CYP7B1: variants seen among roughly 807,000 people sequenced by gnomAD.
CYP7B1 encodes the protein cytochrome P450 family 7 subfamily B member 1, also known as cytochrome P450 7B1.
In CYP7B1, 29 loss-of-function variants were observed where a neutral mutation model predicts 42.7. The observed-to-expected ratio is 0.68, with a 90% confidence interval of 0.51 to 0.93. CYP7B1 has a LOEUF of 0.93. CYP7B1 is among the 40% of genes least tolerant of loss of function. CYP7B1 has a pLI of 0.00. For missense variants in CYP7B1, 655 were observed against 600.5 expected, an observed-to-expected ratio of 1.09 and a Z score of -0.95; for synonymous variants, 235 against 218.2, an observed-to-expected ratio of 1.08 and a Z score of -0.68.
In CYP7B1 at chr8:64,708,257, G is replaced by A. The variant is rs1038624720; in HGVS notation, c.123-83718C>T. Among the ~76,000 whole-genome samples, 2 of 152,110 alleles carry A rather than the reference G, an allele frequency of 1.3e-5. 1 individual carries two copies. The highest frequency in any genetic ancestry group is 2.9e-5 in the Non-Finnish European group (2 of 68,010). ...TAGGATGGTTTCAGTGAAAATCACT[G>A]AAATTTACTGAGTTTGGAAGTTCAA... On this transcript the variant is annotated intron_variant, in intron 1 of 5. Coordinates refer to ENST00000310193, the MANE Select transcript of CYP7B1 (RefSeq NM_004820.5).
chr8:64,694,891 T>A (rs1030119688), intron 1 of CYP7B1, among the ~76,000 whole-genome samples: 1 of 152,160 alleles, frequency 6.6e-6, no homozygotes, highest in African/African-American at 2.4e-5. Flanking sequence ...TAAATACATA[T>A]CTGTAATAAC....
intron 1 of CYP7B1, among the ~76,000 whole-genome samples, chr8:64,686,303 A>C: frequency 2.3e-5 from 1 of 43,194 alleles, no homozygotes; most frequent in East Asian, 4.4e-4. Flanking sequence ...CCACCCGGCC[A>C]GCCGCCCCGT....
chr8:64,726,444 A>G (rs1807325824), intron 1 of CYP7B1, among the ~76,000 whole-genome samples: 1 of 152,214 alleles, frequency 6.6e-6, no homozygotes, highest in African/African-American at 2.4e-5. Context: ...TGAATCTCAC[A>G]GGGAAACTAA....
intron 1 of CYP7B1, among the ~76,000 whole-genome samples, chr8:64,697,773 A>G (rs1296256649): frequency 6.6e-6 from 1 of 152,206 alleles, no homozygotes; most frequent in African/African-American, 2.4e-5. Flanking sequence ...GATGAAAAAT[A>G]CATGAGATCT....
chr8:64,610,370 G>A (rs1805345998), intron 4 of CYP7B1, among the ~76,000 whole-genome samples: 2 of 152,240 alleles, frequency 1.3e-5, no homozygotes, highest in South Asian at 4.1e-4. Context: ...CCAGTTAGAA[G>A]TTCCTAAATA....
intron 4 of CYP7B1, among the ~76,000 whole-genome samples, chr8:64,614,402 T>C (rs1380778745): frequency 6.6e-6 from 1 of 152,140 alleles, no homozygotes; most frequent in Non-Finnish European, 1.5e-5. Context: ...TTCACAGGAA[T>C]AGTTTGTAGT....
rs775784484 is a variant in CYP7B1, at chr8:64,616,063, T to C, written c.478A>G (p.Asn160Asp). The change falls in exon 3 of 6, where the codon AAT becomes GAT. Residue 160 changes from asparagine (N) to aspartate (D), a missense_variant. Transcript: ENST00000310193. ...LDILLESMMQ[N>D]LKQVFEPQLL... is the part of the protein sequence containing the mutation. ...TGGGGTTCAAAAACTTGTTTTAGAT[T>C]CTGCATCATGCTTTCCAAGAGTATG... is the stretch of plus-strand genomic sequence containing the variant. The C allele has an allele frequency of 8.1e-6, 13 of 1,613,666 alleles. No homozygotes were observed. The highest frequency in any genetic ancestry group is 1.1e-5 in the Non-Finnish European group (13 of 1,179,832).
At chr8:64,640,449 T>G (rs1007302341) in intron 1 of CYP7B1, among the ~76,000 whole-genome samples, 4 of 152,184 alleles carry the variant, frequency 2.6e-5, no homozygotes, top group African/African-American at 4.8e-5. Context: ...AGAACTTAAA[T>G]GTTAGGTTTA....
intron 1 of CYP7B1, among the ~76,000 whole-genome samples, chr8:64,678,360 T>C (rs1034685521): frequency 3.9e-5 from 6 of 152,112 alleles, no homozygotes; most frequent in Admixed American, 2.6e-4. Flanking sequence ...GAGAGGCATA[T>C]AGGGTTCTTG....
At chr8:64,648,837 T>G (rs1168396526) in intron 1 of CYP7B1, among the ~76,000 whole-genome samples, 2 of 152,178 alleles carry the variant, frequency 1.3e-5, no homozygotes, top group Admixed American at 6.5e-5. Flanking sequence ...CTCCATAATC[T>G]AAAATCTACG....
intron 1 of CYP7B1, among the ~76,000 whole-genome samples, chr8:64,683,581 A>G (rs1274543419): frequency 1.3e-5 from 2 of 152,204 alleles, no homozygotes; most frequent in Non-Finnish European, 2.9e-5. Context: ...AAATAACTAA[A>G]AAGAGTGTAA....
intron 1 of CYP7B1, among the ~76,000 whole-genome samples, chr8:64,652,300 A>C (rs1162316377): frequency 6.6e-6 from 1 of 152,118 alleles, no homozygotes; most frequent in African/African-American, 2.4e-5. Context: ...TCAGAACCTG[A>C]ACTCAACTTT....
chr8:64,769,226 G>T (rs1474697414), intron 1 of CYP7B1, among the ~76,000 whole-genome samples: 2 of 152,030 alleles, frequency 1.3e-5, no homozygotes, highest in Non-Finnish European at 2.9e-5. Flanking sequence ...TCTATGGAAC[G>T]GGATGGCACC....
Position 64,798,486 on chromosome 8 carries a change from G to T in CYP7B1, c.102C>A (p.Cys34Ter). 6.6e-7 allele frequency: 1 copy of T among 1,513,672 alleles called. No homozygotes were observed. Among genetic ancestry groups the T allele is most frequent in the South Asian group, 1.2e-5 (1 of 81,794 alleles). The allele number at this position is 1,513,672 out of a possible 1,614,324, so 93.8% of individuals were successfully genotyped here. The change falls in exon 1 of 6, where the codon TGC becomes TGA. Residue 34 changes from cysteine (C) to a stop codon, truncating the protein, a stop_gained. Coordinates refer to ENST00000310193, the MANE Select transcript of CYP7B1 (RefSeq NM_004820.5). LOFTEE classifies it high-confidence loss of function. ...LAAALLLLAL[C>*]LLVRRTRRPG... ...CTTACCTGGTGCGCCGGACAAGCAA[G>T]CAGAGGGCCAGGAGCAGCAGGGCCG...
At chr8:64,788,685 T>A (rs1804567838) in intron 1 of CYP7B1, among the ~76,000 whole-genome samples, 1 of 152,238 alleles carries the variant, frequency 6.6e-6, no homozygotes. Flanking sequence ...CTTTCTTAAA[T>A]GTATGTATAT....
At chr8:64,776,635 T>G (rs2129659134) in intron 1 of CYP7B1, among the ~76,000 whole-genome samples, 1 of 152,228 alleles carries the variant, frequency 6.6e-6, no homozygotes, top group African/African-American at 2.4e-5. Flanking sequence ...GGGGTGGGGT[T>G]TAGCATATGC....
chr8:64,667,732 G>A (rs1438872537), intron 1 of CYP7B1, among the ~76,000 whole-genome samples: 1 of 152,038 alleles, frequency 6.6e-6, no homozygotes, highest in East Asian at 1.9e-4. Context: ...TATCTGTGAT[G>A]GGAAAAACCA....
intron 1 of CYP7B1, among the ~76,000 whole-genome samples, chr8:64,720,988 C>T (rs893895122): frequency 1.3e-5 from 2 of 150,686 alleles, no homozygotes; most frequent in African/African-American, 4.9e-5. Context: ...TATTTTTAAA[C>T]AAAAATCTAT....
intron 1 of CYP7B1, among the ~76,000 whole-genome samples, chr8:64,686,093 G>T (rs1289908293): frequency 7.4e-5 from 9 of 121,300 alleles, no homozygotes; most frequent in East Asian, 2.5e-4. Flanking sequence ...CCCCGTCCGG[G>T]AGGGAGGTGG....
Sources: allele counts gnomAD v4.1 joint callset (sites outside exome capture counted in the v4.1 genomes callset), GRCh38; gene constraint gnomAD v4.1.1; transcripts MANE v1.5; gene names NCBI Gene and HGNC (gene_info 2026-07-23, HGNC 2026-07-21).